CREBBP: variants seen among roughly 807,000 people sequenced by gnomAD.
The protein encoded by CREBBP is CREB-binding protein.
Under a neutral mutation model 265.0 loss-of-function variants are expected in CREBBP, and 19 were observed. The observed-to-expected ratio is 0.07, with a 90% CI of 0.05 to 0.11. CREBBP has a LOEUF of 0.11. CREBBP is among the 10% of genes least tolerant of loss of function. CREBBP has a pLI of 1.00. For synonymous variants in CREBBP, 1,457 were observed against 1,223.7 expected (o/e 1.19, Z -3.98); for missense variants, 2,525 against 3,219.0 (o/e 0.78, Z 5.22).
chr16:3,760,390 G>GGTTTTTTTTTTT (rs2052686247), intron 16 of CREBBP, among the ~76,000 whole-genome samples: 1 of 121,180 alleles, frequency 8.3e-6, no homozygotes, highest in Non-Finnish European at 1.6e-5. Context: ...ATCATGCCCA[G>GGTTTTTTTTTTT]GTTTTTTTTT....
intron 1 of CREBBP, among the ~76,000 whole-genome samples, chr16:3,857,676 A>C (rs2054991949): frequency 6.6e-6 from 1 of 152,240 alleles, no homozygotes; most frequent in Admixed American, 6.5e-5. Context: ...GGGAGAATGC[A>C]AAGAAAAGGA....
At chr16:3,764,940 T>C (rs1386849681) in intron 16 of CREBBP, among the ~76,000 whole-genome samples, 1 of 152,088 alleles carries the variant, frequency 6.6e-6, no homozygotes, top group Non-Finnish European at 1.5e-5. Context: ...TCTTAAGCGT[T>C]TGGTACATGT....
chr16:3,736,178 T>C lies in CREBBP; in HGVS notation c.4586A>G (p.Asp1529Gly). Residue 1529 changes from aspartate (D) to glycine (G), a missense_variant, in exon 28 of 31, where the codon GAC (aspartate) becomes GGC (glycine). This residue lies in a region of CREBBP where 93 missense variants were observed against 161.5 expected (regional missense o/e 0.58). Coordinates refer to ENST00000262367, the MANE Select transcript of CREBBP (RefSeq NM_004380.3). Reference protein sequence around the residue: ...YKDIFKQATEDRLTSAKELPY... With the variant: ...YKDIFKQATEGRLTSAKELPY... ...CAGTTCCTTGGCACTGGTGAGCCTG[T>C]CTTCAGTTGCTTGTTTGAAAATATC... The C allele has an allele frequency of 6.2e-7, 1 of 1,614,248 alleles. No individual in the cohort carries two copies. The highest frequency in any genetic ancestry group is 8.5e-7 in the Non-Finnish European group (1 of 1,180,038).
At chr16:3,828,340 C>T (rs1326613715) in intron 2 of CREBBP, among the ~76,000 whole-genome samples, 1 of 152,204 alleles carries the variant, frequency 6.6e-6, no homozygotes, top group African/African-American at 2.4e-5. Context: ...GATCCACCCG[C>T]CTCGGCCTCC....
chr16:3,819,425 A>G (rs1001652388), intron 2 of CREBBP, among the ~76,000 whole-genome samples: 2 of 152,244 alleles, frequency 1.3e-5, no homozygotes, highest in Non-Finnish European at 2.9e-5. Context: ...CTTTGGGAGC[A>G]ATCATTCTAC....
rs186482719 is a variant in CREBBP, at chr16:3,805,816, T to C, written c.975+4787A>G. On this transcript the variant is annotated intron_variant, in intron 3 of 30. Transcript: ENST00000262367. ...GGACAGTGGCTTTCATGATCTTTAT[T>C]CCACATCAGAATCACTAGACCAGCT... 6.7e-3 allele frequency among the ~76,000 whole-genome samples: 1,028 copies of C among 152,308 alleles called. 12 individuals are homozygous for C. The highest frequency in any genetic ancestry group is 0.017 in the Middle Eastern group (5 of 294).
At chr16:3,764,962 TTTTTTGTTTTGTTTTTG>T in intron 16 of CREBBP, among the ~76,000 whole-genome samples, 1 of 152,104 alleles carries the variant, frequency 6.6e-6, no homozygotes, top group East Asian at 1.9e-4. Flanking sequence ...TGTGGTTTTT[TTTTTTGTTTTGTTTTTG>T]TTTTTGTTTT....
intron 4 of CREBBP, among the ~76,000 whole-genome samples, chr16:3,792,749 TA>T (rs951301349): frequency 6.6e-6 from 1 of 152,300 alleles, no homozygotes; most frequent in Admixed American, 6.5e-5. Flanking sequence ...GAATAAAGAT[TA>T]AAGGAAAGTA....
chr16:3,755,210 T>C (rs1186880057), intron 19 of CREBBP, among the ~76,000 whole-genome samples: 1 of 152,252 alleles, frequency 6.6e-6, no homozygotes, highest in Non-Finnish European at 1.5e-5. Context: ...AATGACTTCA[T>C]ATGCCATCAA....
intron 14 of CREBBP, 71 bp downstream of exon 14, chr16:3,770,497 GAC>G: frequency 6.4e-7 from 1 of 1,554,430 alleles, no homozygotes; most frequent in Non-Finnish European, 8.8e-7. Context: ...CGCCTGGCCT[GAC>G]ACACAATTTT....
intron 2 of CREBBP, among the ~76,000 whole-genome samples, chr16:3,849,445 GTGTGTGTGTGT>G (rs1567360614): frequency 2.2e-3 from 54 of 24,228 alleles, no homozygotes; most frequent in Non-Finnish European, 6.9e-3. Flanking sequence ...GTGTGTGTGT[GTGTGTGTGTGT>G]GTGTGTGTGT....
chr16:3,728,183 C>T lies in CREBBP; in HGVS notation c.6864G>A (p.Gln2288=), dbSNP rs2151300946. The T allele has an allele frequency of 2.5e-6, 4 of 1,613,988 alleles. No individual in the cohort carries two copies. Among genetic ancestry groups the T allele is most frequent in the Non-Finnish European group, 2.5e-6 (3 of 1,179,992 alleles). The change falls in exon 31 of 31, where the codon CAG becomes CAA. Residue 2288 remains glutamine, a synonymous_variant. Coordinates refer to ENST00000262367, the MANE Select transcript of CREBBP (RefSeq NM_004380.3). This position sits in a 1 kb window ranked among gnomAD's most constrained non-coding sequence, Gnocchi z 8.7. The stretch of plus-strand genomic sequence containing the variant: ...GCAGAATCCGCTGCTGCAGGGCTTG[C>T]TGGATGTTGGGGGTGCTGTCTGCCC... The part of the protein sequence containing the change: ...GLGADSTPNI[Q]QALQQRILQQ...
chr16:3,869,426 T>C (rs1400920362), intron 1 of CREBBP, among the ~76,000 whole-genome samples: 1 of 152,236 alleles, frequency 6.6e-6, no homozygotes, highest in Non-Finnish European at 1.5e-5. Flanking sequence ...CATTTTTAAT[T>C]TGGAGTCTTG....
rs770512837 is a variant in CREBBP, at chr16:3,778,162, T to C, written c.1962A>G (p.Leu654=). 1.1e-5 allele frequency: 17 copies of C among 1,608,234 alleles called. 1 individual carries two copies. The South Asian group carries it at 1.9e-4, about 18-fold the overall frequency. The stretch of plus-strand genomic sequence containing the variant: ...TTTGTATCTTGTAGATTTTCTCTGC[T>C]AATAAGTGATAATATTCATCCTAAA... ...ANSRDEYYHL[L]AEKIYKIQKE... Residue 654 remains leucine, a synonymous_variant, in exon 10 of 31, where the codon TTA becomes TTG. Transcript: ENST00000262367.
At chr16:3,737,944 T>C (rs958225036) in intron 26 of CREBBP, among the ~76,000 whole-genome samples, 8 of 151,476 alleles carry the variant, frequency 5.3e-5, no homozygotes, top group Admixed American at 4.6e-4. Flanking sequence ...CATGCTACTA[T>C]GCCCGGCTAA....
chr16:3,739,315 A>C lies in CREBBP; in HGVS notation c.4280+263T>G, dbSNP rs564228896. On this transcript the variant is annotated intron_variant, in intron 25 of 30. Transcript: ENST00000262367. ...TCAGGTGCCAGGCTGTCCCATCCCA[A>C]CTCCCCAGGTTTACCTGCGTTAGGT... 4.9e-4 allele frequency: 251 copies of C among 512,814 alleles called. 2 individuals are homozygous for C. Among genetic ancestry groups the C allele is most frequent in the African/African-American group, 4.3e-3 (225 of 52,082 alleles). 31.8% of individuals were successfully genotyped at this position (512,814 alleles called of 1,614,324 possible).
At position 3,731,485 on chromosome 16, in the gene CREBBP, G is replaced by A. The variant is rs1366993696; in HGVS notation, c.4891-12C>T. The A allele has an allele frequency of 2.5e-6, 4 of 1,573,924 alleles. No homozygotes were observed. In the Admixed American group the frequency reaches 5.7e-5, roughly 22 times the overall value. ...ATCACGAAGAAGACCTGCAGGAGAGGAGGGGCTTTAGTCCCACACAAGGGA... is the reference window on the plus strand; with the variant it reads ...ATCACGAAGAAGACCTGCAGGAGAGAAGGGGCTTTAGTCCCACACAAGGGA... On this transcript the variant is annotated splice_polypyrimidine_tract_variant and intron_variant, in intron 29 of 30. Coordinates refer to ENST00000262367, the MANE Select transcript of CREBBP (RefSeq NM_004380.3). This position sits in a 1 kb window ranked among gnomAD's most constrained non-coding sequence, Gnocchi z 7.7.
At chr16:3,862,768 C>T (rs551325074) in intron 1 of CREBBP, among the ~76,000 whole-genome samples, 4 of 152,094 alleles carry the variant, frequency 2.6e-5, no homozygotes, top group South Asian at 2.1e-4. Flanking sequence ...AAGCTCCCCA[C>T]GGCAGAGCAG....
At chr16:3,874,396 T>C (rs1355170948) in intron 1 of CREBBP, among the ~76,000 whole-genome samples, 1 of 152,154 alleles carries the variant, frequency 6.6e-6, no homozygotes, top group African/African-American at 2.4e-5. Flanking sequence ...CCCCAACGGG[T>C]GCTCAGAGAA....
Sources: allele counts gnomAD v4.1 joint callset (sites outside exome capture counted in the v4.1 genomes callset), GRCh38; gene constraint gnomAD v4.1.1; regional missense constraint gnomAD v4.1.1; non-coding constraint Gnocchi (gnomAD v3.1); transcripts MANE v1.5; gene names NCBI Gene and HGNC (gene_info 2026-07-23, HGNC 2026-07-21).